The following FBXO42 variants were observed in gnomAD, a reference collection of about 807,000 sequenced individuals.
FBXO42 encodes the protein F-box protein 42.
In FBXO42, 12 loss-of-function variants were observed where a neutral mutation model predicts 71.7. That is an observed-to-expected ratio of 0.17 (90% CI 0.11 to 0.27). FBXO42 has a LOEUF of 0.27. Among genes scored for constraint, FBXO42 ranks in the 10% least tolerant of loss-of-function variants. FBXO42 has a pLI of 1.00. For synonymous variants in FBXO42, 325 were observed against 327.5 expected (o/e 0.99, Z 0.08); for missense variants, 707 against 911.9 (o/e 0.78, Z 2.89).
intron 1 of FBXO42, among the ~76,000 whole-genome samples, chr1:16,351,094 C>G (rs1249574898): frequency 2.0e-5 from 3 of 152,160 alleles, no homozygotes; most frequent in Non-Finnish European, 2.9e-5. Context: ...ATTTTCCTTG[C>G]CTCTTTAAAT....
At chr1:16,350,757 A>AGACAG (rs1553156684) in intron 1 of FBXO42, among the ~76,000 whole-genome samples, 1 of 44,248 alleles carries the variant, frequency 2.3e-5, no homozygotes, top group Non-Finnish European at 4.1e-5. Context: ...AAAAAAAAAA[A>AGACAG]AAAGAAAGAA....
In FBXO42 at chr1:16,251,640, A is replaced by G; in HGVS notation, c.1184T>C (p.Val395Ala). The G allele has an allele frequency of 6.2e-7, 1 of 1,614,162 alleles. No individual in the cohort carries two copies. The highest frequency in any genetic ancestry group is 8.5e-7 in the Non-Finnish European group (1 of 1,180,034). ...ACAAGGAGCTTCATCCATGCTTCTT[A>G]CTGGAGACTGAGAGCGGTACTCTCG... ...ETREYRSQSP[V>A]RSMDEAPCVN... is the part of the protein sequence containing the mutation. The change falls in exon 10 of 10, where the codon GTA becomes GCA. Residue 395 changes from valine to alanine, a missense_variant. This residue lies in a region of FBXO42 where 482 missense variants were observed against 587.1 expected (regional missense o/e 0.82). Coordinates refer to ENST00000375592, the MANE Select transcript of FBXO42 (RefSeq NM_018994.3). This position sits in a 1 kb window ranked among gnomAD's most constrained non-coding sequence, Gnocchi z 4.5.
intron 4 of FBXO42, among the ~76,000 whole-genome samples, chr1:16,287,741 T>C (rs1045752751): frequency 7.9e-5 from 12 of 152,134 alleles, no homozygotes; most frequent in African/African-American, 2.9e-4. Flanking sequence ...TGAGCCACTG[T>C]GCCTGGCCTG....
intron 1 of FBXO42, among the ~76,000 whole-genome samples, chr1:16,319,848 T>C (rs2082397834): frequency 6.6e-6 from 1 of 151,402 alleles, no homozygotes; most frequent in Non-Finnish European, 1.5e-5. Context: ...GAGGCAGAGG[T>C]TGCAGTGAGC....
Position 16,251,200 on chromosome 1 carries a change from G to A in FBXO42, c.1624C>T (p.His542Tyr), listed in dbSNP as rs750983267. Residue 542 changes from histidine to tyrosine, a missense_variant, in exon 10 of 10, where the codon CAC (histidine) becomes TAC (tyrosine). Physicochemically the swap from His to Tyr is moderately conservative, Grantham distance 83. Around this residue, in one of 5 missense-constraint regions of FBXO42, gnomAD observed 482 missense variants for 587.1 expected, o/e 0.82. Coordinates refer to ENST00000375592, the MANE Select transcript of FBXO42 (RefSeq NM_018994.3). The surrounding 1 kb of genome is among the most constrained non-coding windows in gnomAD (Gnocchi z 4.5). Reference sequence around the variant, plus strand: ...GCCCCTGCAAGGGCACTGGCCACGTGAGGTGGGGTATGCACACCATTTGTC... The same window carrying A: ...GCCCCTGCAAGGGCACTGGCCACGTAAGGTGGGGTATGCACACCATTTGTC... ...EQTNGVHTPPHVASALAGAVS... is the reference protein window; with the variant it reads ...EQTNGVHTPPYVASALAGAVS... 3 of 1,614,172 alleles carry A rather than the reference G, an allele frequency of 1.9e-6. No homozygotes were observed. Among genetic ancestry groups the A allele is most frequent in the Non-Finnish European group, 1.7e-6 (2 of 1,180,032 alleles).
At chr1:16,311,501 A>AT (rs1278727170) in intron 2 of FBXO42, among the ~76,000 whole-genome samples, 1,373 of 61,982 alleles carry the variant, frequency 0.022, 7 homozygotes, top group African/African-American at 0.048. Context: ...AAAAAAAAAA[A>AT]AAATATATAT....
chr1:16,258,497 C>A (rs1466455847), intron 4 of FBXO42, among the ~76,000 whole-genome samples: 1 of 151,524 alleles, frequency 6.6e-6, no homozygotes, highest in African/African-American at 2.4e-5. Flanking sequence ...GCTAGGAATA[C>A]AGGCAAGCAC....
intron 4 of FBXO42, among the ~76,000 whole-genome samples, chr1:16,281,179 C>G (rs1260831598): frequency 6.6e-6 from 1 of 152,172 alleles, no homozygotes; most frequent in Non-Finnish European, 1.5e-5. Flanking sequence ...TCAGGCTGGT[C>G]TCGAACTCCT....
intron 4 of FBXO42, among the ~76,000 whole-genome samples, chr1:16,277,224 A>C (rs1363344612): frequency 6.6e-6 from 1 of 152,206 alleles, no homozygotes; most frequent in East Asian, 1.9e-4. Context: ...TTCAGCAGTT[A>C]ATCATCATCC....
chr1:16,256,916 TGA>T (rs2081652402), intron 4 of FBXO42, among the ~76,000 whole-genome samples, 157 bp from the exon 5 acceptor site: 1 of 152,214 alleles, frequency 6.6e-6, no homozygotes, highest in African/African-American at 2.4e-5. Context: ...GGTTTGAGTC[TGA>T]GAGAAAATCA....
chr1:16,327,023 C>T (rs375695139), intron 1 of FBXO42, among the ~76,000 whole-genome samples: 1 of 152,172 alleles, frequency 6.6e-6, no homozygotes, highest in African/African-American at 2.4e-5. Context: ...TGACCCACTT[C>T]TAAATGTCAT....
At position 16,252,268 on chromosome 1, in the gene FBXO42, C is replaced by G. The variant is rs1309932760; in HGVS notation, c.1038+20G>C. On this transcript the variant is annotated intron_variant, in intron 9 of 9. Transcript: ENST00000375592. The surrounding 1 kb of genome is among the most constrained non-coding windows in gnomAD (Gnocchi z 4.4). ...AATTTAGGACCTGTCCTCCTGCTAG[C>G]CTGTCAGCTCCCTGCTTACCCGGCA... 6.3e-7 allele frequency: 1 copy of G among 1,578,058 alleles called. No individual in the cohort carries two copies. Among genetic ancestry groups the G allele is most frequent in the African/African-American group, 1.3e-5 (1 of 74,368 alleles).
chr1:16,292,103 A>G (rs1203132012), intron 4 of FBXO42, among the ~76,000 whole-genome samples: 2 of 152,250 alleles, frequency 1.3e-5, no homozygotes, highest in Non-Finnish European at 2.9e-5. Context: ...ACATTTTGTT[A>G]GAAAATTACT....
At chr1:16,341,845 C>T (rs896504226) in intron 1 of FBXO42, among the ~76,000 whole-genome samples, 5 of 151,414 alleles carry the variant, frequency 3.3e-5, no homozygotes, top group African/African-American at 9.7e-5. Context: ...GTGGCGTCTG[C>T]CTGTAATCCC....
intron 4 of FBXO42, among the ~76,000 whole-genome samples, chr1:16,264,461 C>T (rs572215325): frequency 6.6e-5 from 10 of 152,342 alleles, no homozygotes; most frequent in Non-Finnish European, 8.8e-5. Context: ...AACAAAGCCA[C>T]TGGGCTTCTA....
chr1:16,270,751 T>TGCACACACAC (rs1553150254), intron 4 of FBXO42, among the ~76,000 whole-genome samples: 5 of 111,006 alleles, frequency 4.5e-5, no homozygotes, highest in African/African-American at 1.8e-4. Context: ...TACCATGAGA[T>TGCACACACAC]ACACACACAC....
intron 4 of FBXO42, among the ~76,000 whole-genome samples, chr1:16,288,124 A>C (rs1338069632): frequency 6.6e-6 from 1 of 151,430 alleles, no homozygotes; most frequent in East Asian, 2.0e-4. Context: ...GGGAAACAAG[A>C]GTGAAACTCT....
intron 7 of FBXO42, 149 bp from the exon 8 acceptor site, chr1:16,253,301 A>G: frequency 1.6e-6 from 1 of 643,972 alleles, no homozygotes. Flanking sequence ...AAAACATATC[A>G]ATTCTGATCC....
chr1:16,305,587 G>A (rs573094949), intron 3 of FBXO42, among the ~76,000 whole-genome samples: 2 of 151,906 alleles, frequency 1.3e-5, no homozygotes, highest in Non-Finnish European at 2.9e-5. Context: ...GATGGGGCAC[G>A]CCTGTAGTCC....
Sources: gnomAD v4.1 joint callset for allele counts (sites outside exome capture counted in the v4.1 genomes callset) on GRCh38, gnomAD v4.1.1 for gene constraint, gnomAD v4.1.1 regional missense constraint, Gnocchi (gnomAD v3.1) non-coding constraint, MANE v1.5 for transcripts, NCBI Gene and HGNC (gene_info 2026-07-23, HGNC 2026-07-21) for gene names.